ZNF407: variants seen among roughly 807,000 people sequenced by gnomAD.
ZNF407 encodes zinc finger protein 407.
Under a neutral mutation model 131.2 loss-of-function variants are expected in ZNF407, and 17 were observed. The observed-to-expected ratio is 0.13, with a 90% CI of 0.09 to 0.19. The LOEUF is 0.19. ZNF407 is among the 10% of genes least tolerant of loss of function. The pLI is 1.00. For missense variants in ZNF407, 2,681 were observed against 2,830.6 expected, an observed-to-expected ratio of 0.95 and a Z score of 1.20; for synonymous variants, 1,156 against 1,062.0, an observed-to-expected ratio of 1.09 and a Z score of -1.72.
At chr18:74,977,715 C>G (rs1972543655) in intron 8 of ZNF407, among the ~76,000 whole-genome samples, 1 of 151,470 alleles carries the variant, frequency 6.6e-6, no homozygotes, top group African/African-American at 2.4e-5. Context: ...AGAGTCCCCT[C>G]TCTGCGAGAT....
intron 3 of ZNF407, among the ~76,000 whole-genome samples, chr18:74,767,820 A>ATTTTTTTTTTTTT (rs10692267): frequency 3.5e-5 from 4 of 114,102 alleles, no homozygotes; most frequent in Non-Finnish European, 5.2e-5. Context: ...CGCCTGGCTA[A>ATTTTTTTTTTTTT]TTTTTTTTTT....
intron 8 of ZNF407, among the ~76,000 whole-genome samples, chr18:74,955,278 T>C (rs1487058045): frequency 6.6e-6 from 1 of 152,078 alleles, no homozygotes; most frequent in African/African-American, 2.4e-5. Context: ...AGGAATCTGA[T>C]GTATTTGGAG....
At chr18:74,707,955 A>T (rs1967666280) in intron 3 of ZNF407, among the ~76,000 whole-genome samples, 1 of 152,228 alleles carries the variant, frequency 6.6e-6, no homozygotes, top group South Asian at 2.1e-4. Context: ...TACTGGGAAA[A>T]GCTTTTTAGT....
At chr18:74,654,759 A>T (rs1243645725) in intron 3 of ZNF407, among the ~76,000 whole-genome samples, 1 of 151,854 alleles carries the variant, frequency 6.6e-6, no homozygotes, top group Non-Finnish European at 1.5e-5. Flanking sequence ...CTGGTCTGCT[A>T]TATTAAGCAC....
chr18:74,634,908 G>T lies in ZNF407; in HGVS notation c.3889G>T (p.Val1297Phe). 1 of 1,613,770 alleles carries T rather than the reference G, an allele frequency of 6.2e-7. No individual in the cohort carries two copies. Among genetic ancestry groups the T allele is most frequent in the African/African-American group, 1.3e-5 (1 of 75,058 alleles). The change falls in exon 2 of 9, where the codon GTC becomes TTC. Residue 1297 changes from valine to phenylalanine, a missense_variant. Physicochemically the swap from Val to Phe is conservative, Grantham distance 50. Transcript: ENST00000299687. ...GCATGGTTTGGAAGACTTGAAAGGT[G>T]TCCAAGAAGATCCCGTTCTGGGGAA... is the stretch of plus-strand genomic sequence containing the variant. ...RGHGLEDLKG[V>F]QEDPVLGNKE... is the part of the protein sequence containing the mutation.
intron 4 of ZNF407, among the ~76,000 whole-genome samples, chr18:74,840,094 CATG>C (rs1016610219): frequency 2.6e-5 from 4 of 152,136 alleles, no homozygotes; most frequent in Non-Finnish European, 4.4e-5. Flanking sequence ...AAGTTGGAAA[CATG>C]AAGACTTTGG....
chr18:74,957,051 A>G (rs1359019667), intron 8 of ZNF407, among the ~76,000 whole-genome samples: 1 of 152,198 alleles, frequency 6.6e-6, no homozygotes, highest in Non-Finnish European at 1.5e-5. Flanking sequence ...GTTTAAAACC[A>G]GAAGAGAGTA....
intron 4 of ZNF407, among the ~76,000 whole-genome samples, chr18:74,801,636 T>TACA (rs1970021203): frequency 6.6e-6 from 1 of 152,234 alleles, no homozygotes; most frequent in Non-Finnish European, 1.5e-5. Context: ...TGATCAGAAT[T>TACA]TCACACCCGC....
intron 8 of ZNF407, among the ~76,000 whole-genome samples, chr18:74,988,502 T>C (rs1972679878): frequency 6.6e-6 from 1 of 150,698 alleles, no homozygotes; most frequent in East Asian, 1.9e-4. Flanking sequence ...AAAATAGTTT[T>C]TATATATTTT....
chr18:74,738,399 G>A (rs1384051736), intron 3 of ZNF407, among the ~76,000 whole-genome samples: 45 of 131,706 alleles, frequency 3.4e-4, no homozygotes, highest in Non-Finnish European at 6.0e-4. Context: ...CAGCCTGGAC[G>A]ACAGAGTGAG....
chr18:74,815,897 CAAACA>C (rs1416644216), intron 4 of ZNF407, among the ~76,000 whole-genome samples: 1 of 152,272 alleles, frequency 6.6e-6, no homozygotes, highest in African/African-American at 2.4e-5. Context: ...TCTTGCTCCA[CAAACA>C]AAACAAAGCA....
intron 6 of ZNF407, among the ~76,000 whole-genome samples, chr18:74,887,512 A>G (rs1039043675): frequency 6.6e-6 from 1 of 152,136 alleles, no homozygotes; most frequent in Admixed American, 6.5e-5. Context: ...CTGTTAAATG[A>G]TATCTTTATG....
chr18:75,039,310 G>A (rs1055754876), intron 8 of ZNF407, among the ~76,000 whole-genome samples: 2 of 152,186 alleles, frequency 1.3e-5, no homozygotes, highest in Non-Finnish European at 2.9e-5. Context: ...GTTTATGCCT[G>A]TACCTCCATA....
At chr18:74,902,917 C>T (rs1349390305) in intron 7 of ZNF407, among the ~76,000 whole-genome samples, 1 of 152,192 alleles carries the variant, frequency 6.6e-6, no homozygotes, top group Non-Finnish European at 1.5e-5. Flanking sequence ...CCTTCCCCCT[C>T]TACCTCTCCA....
At chr18:75,004,710 A>T (rs1972887437) in intron 8 of ZNF407, among the ~76,000 whole-genome samples, 1 of 152,214 alleles carries the variant, frequency 6.6e-6, no homozygotes, top group African/African-American at 2.4e-5. Flanking sequence ...AAAATGAAAG[A>T]TGAAATATCT....
intron 4 of ZNF407, among the ~76,000 whole-genome samples, chr18:74,838,695 T>C (rs897602302): frequency 1.3e-5 from 2 of 152,196 alleles, no homozygotes; most frequent in Admixed American, 6.5e-5. Context: ...ACCTCTAATA[T>C]ATAAAGCATA....
intron 1 of ZNF407, among the ~76,000 whole-genome samples, chr18:74,623,345 T>TGTGA (rs1168147653): frequency 3.3e-5 from 5 of 151,768 alleles, no homozygotes; most frequent in South Asian, 4.2e-4. Context: ...CATGTGTGAG[T>TGTGA]GTGAGTGCGC....
At position 74,634,320 on chromosome 18, in the gene ZNF407, C is replaced by T. The variant is rs1984318896; in HGVS notation, c.3301C>T (p.His1101Tyr). The part of the protein sequence containing the change: ...SKNIIMPEEE[H>Y]QQNSEEFQII... ...AAACATCATTATGCCTGAAGAAGAG[C>T]ATCAACAAAATTCTGAGGAATTTCA... The change falls in exon 2 of 9, where the codon CAT becomes TAT. Residue 1101 changes from histidine to tyrosine, a missense_variant. His to Tyr is a moderately conservative substitution (Grantham distance 83, BLOSUM62 2). Coordinates refer to ENST00000299687, the MANE Select transcript of ZNF407 (RefSeq NM_017757.3). The T allele has an allele frequency of 1.2e-6, 2 of 1,613,804 alleles. No homozygotes were observed. The highest frequency in any genetic ancestry group is 1.7e-5 in the Admixed American group (1 of 59,996).
chr18:74,814,756 A>C (rs1970244615), intron 4 of ZNF407, among the ~76,000 whole-genome samples: 1 of 152,142 alleles, frequency 6.6e-6, no homozygotes. Context: ...ATTTTTTCTC[A>C]TATAATTTGA....
Sources: gnomAD v4.1 joint callset for allele counts (sites outside exome capture counted in the v4.1 genomes callset) on GRCh38, gnomAD v4.1.1 for gene constraint, MANE v1.5 for transcripts, NCBI Gene and HGNC (gene_info 2026-07-23, HGNC 2026-07-21) for gene names.